The following ANK2 variants were observed in gnomAD, a reference collection of about 807,000 sequenced individuals.
ANK2 encodes ankyrin-2.
Under a neutral mutation model 360.5 loss-of-function variants are expected in ANK2, and 83 were observed. The ratio of observed to expected loss-of-function variants is 0.23; its 90% CI spans 0.19 to 0.28. The LOEUF is 0.28. Among genes scored for constraint, ANK2 ranks in the 10% least tolerant of loss-of-function variants. ANK2 has a pLI of 1.00. For synonymous variants in ANK2, 1,740 were observed against 1,759.5 expected, an observed-to-expected ratio of 0.99 and a Z score of 0.28; for missense variants, 4,201 against 4,795.7, an observed-to-expected ratio of 0.88 and a Z score of 3.66.
chr4:113,296,422 C>G (rs2071478567), intron 22 of ANK2, among the ~76,000 whole-genome samples: 1 of 152,150 alleles, frequency 6.6e-6, no homozygotes, highest in South Asian at 2.1e-4. Flanking sequence ...AACTGACATA[C>G]TAATTTAACA....
At chr4:112,992,751 C>T (rs866631698) in intron 2 of ANK2, among the ~76,000 whole-genome samples, 2 of 152,160 alleles carry the variant, frequency 1.3e-5, no homozygotes, top group Admixed American at 6.5e-5. Flanking sequence ...ACTTAATCAC[C>T]TTTCAAGGAT....
intron 2 of ANK2, among the ~76,000 whole-genome samples, chr4:113,018,456 A>T (rs1463174052): frequency 1.3e-5 from 2 of 152,244 alleles, no homozygotes; most frequent in African/African-American, 4.8e-5. Flanking sequence ...GCCTATGTCA[A>T]TGGAAGATAA....
upstream of ANK2, among the ~76,000 whole-genome samples, chr4:112,814,786 A>G (rs72906852): frequency 0.029 from 4,464 of 152,216 alleles, 143 homozygotes; most frequent in African/African-American, 0.073. Flanking sequence ...AGTAGTGACA[A>G]TCTTTTGAAT....
In ANK2 at chr4:113,245,153, G is replaced by A. The variant is rs141808382; in HGVS notation, c.891+2944G>A. 7.0e-3 allele frequency among the ~76,000 whole-genome samples: 1,072 copies of A among 152,160 alleles called. 28 individuals carry two copies. Among genetic ancestry groups the A allele is most frequent in the East Asian group, 0.042 (217 of 5,182 alleles). ...AGAAGGATTTTAAAAGCATTGTTGGGTTCTTTTCATTCTGGCTACAGCTAA... is the reference window on the plus strand; with the variant it reads ...AGAAGGATTTTAAAAGCATTGTTGGATTCTTTTCATTCTGGCTACAGCTAA... On this transcript the variant is annotated intron_variant, in intron 9 of 45. Coordinates refer to ENST00000357077, the MANE Select transcript of ANK2 (RefSeq NM_001148.6).
chr4:112,971,597 A>C (rs1273926010), intron 2 of ANK2, among the ~76,000 whole-genome samples: 2 of 152,252 alleles, frequency 1.3e-5, no homozygotes, highest in African/African-American at 4.8e-5. Flanking sequence ...AAAGGCTAGA[A>C]GTCTTTATGG....
intron 7 of ANK2, among the ~76,000 whole-genome samples, chr4:113,237,956 AG>A (rs2099396522): frequency 6.6e-6 from 1 of 152,132 alleles, no homozygotes; most frequent in South Asian, 2.1e-4. Context: ...GAGAATTCTT[AG>A]GTTAGAGTTT....
chr4:113,251,211 C>T (rs561025565), intron 10 of ANK2, among the ~76,000 whole-genome samples: 2 of 151,980 alleles, frequency 1.3e-5, no homozygotes, highest in Non-Finnish European at 2.9e-5. Context: ...CTTTACAAAC[C>T]GTAAAATAAT....
intron 2 of ANK2, among the ~76,000 whole-genome samples, chr4:112,933,360 A>G (rs2093428166): frequency 6.6e-6 from 1 of 152,220 alleles, no homozygotes; most frequent in Admixed American, 6.5e-5. Flanking sequence ...AACAAAAACA[A>G]AACCAGAGGT....
At chr4:113,161,576 G>A (rs1229204158) in intron 1 of ANK2, among the ~76,000 whole-genome samples, 3 of 152,104 alleles carry the variant, frequency 2.0e-5, no homozygotes, top group Non-Finnish European at 4.4e-5. Context: ...ATCCAATGAG[G>A]ATAAAGTGGC....
rs1244646473 is a variant in ANK2 at position 113,264,990 on chromosome 4, G to C, written c.1480G>C (p.Ala494Pro). 5.1e-6 allele frequency: 8 copies of C among 1,559,840 alleles called. No individual in the cohort carries two copies. The highest frequency in any genetic ancestry group is 7.0e-6 in the Non-Finnish European group (8 of 1,150,832). The change falls in exon 14 of 46, where the codon GCC becomes CCC. Residue 494 changes from alanine to proline, a missense_variant. Ala to Pro is a conservative substitution (Grantham distance 27). Around this residue, in one of 4 missense-constraint regions of ANK2, gnomAD observed 1,268 missense variants for 1,650.8 expected, o/e 0.77. Coordinates refer to ENST00000357077, the MANE Select transcript of ANK2 (RefSeq NM_001148.6). Reference sequence around the variant, plus strand: ...AAATGGTGCCCTTGTTGATGCCAGAGCCAGGGTAGGTACTGGTGCCCTGAG... The same window carrying C: ...AAATGGTGCCCTTGTTGATGCCAGACCCAGGGTAGGTACTGGTGCCCTGAG... ...LRNGALVDAR[A>P]REEQTPLHIA...
chr4:113,196,744 T>C lies in ANK2; in HGVS notation c.285+278T>C, dbSNP rs551257862. On this transcript the variant is annotated intron_variant, in intron 3 of 45. Transcript: ENST00000357077. ...ATGAGGTCTTGCTATGTTGCCTTCC[T>C]GGGCTCTAGCGATCCTCCTGCCTCA... Among the ~76,000 whole-genome samples the C allele has an allele frequency of 3.3e-5, 5 of 152,284 alleles. No homozygotes were observed. The South Asian group carries it at 1.0e-3, about 32-fold the overall frequency.
chr4:113,254,400 A>G (rs1264000893), intron 10 of ANK2, among the ~76,000 whole-genome samples: 1 of 152,196 alleles, frequency 6.6e-6, no homozygotes. Context: ...TTAGATGATG[A>G]ATATTTTATT....
intron 28 of ANK2, 80 bp downstream of exon 28, chr4:113,332,150 G>A: frequency 7.8e-7 from 1 of 1,282,806 alleles, no homozygotes. Flanking sequence ...TCTCTTTTTT[G>A]TCATTGTGCC....
intron 1 of ANK2, among the ~76,000 whole-genome samples, chr4:113,142,873 A>G (rs1379494138): frequency 6.6e-6 from 1 of 152,142 alleles, no homozygotes; most frequent in Admixed American, 6.5e-5. Flanking sequence ...CTTTTCTAGG[A>G]AAATTTACCC....
At chr4:112,793,173 T>C in the ANK2 span, among the ~76,000 whole-genome samples, 1 of 152,144 alleles carries the variant, frequency 6.6e-6, no homozygotes, top group Non-Finnish European at 1.5e-5. Flanking sequence ...TGTTAAATCA[T>C]TTTGTCAAAG....
Position 113,357,692 on chromosome 4 carries a change from T to C in ANK2, c.9074T>C (p.Val3025Ala). The C allele has an allele frequency of 6.2e-7, 1 of 1,614,110 alleles. No homozygotes were observed. Among genetic ancestry groups the C allele is most frequent in the Non-Finnish European group, 8.5e-7 (1 of 1,179,982 alleles). ...FEPTMSATTT[V>A]VGEQISKVII... ...CCTACTATGTCCGCTACAACAACAG[T>C]TGTTGGTGAACAAATAAGCAAAGTC... Residue 3025 changes from valine to alanine, a missense_variant, in exon 38 of 46, where the codon GTT becomes GCT. Physicochemically the swap from Val to Ala is moderately conservative, Grantham distance 64. Coordinates refer to ENST00000357077, the MANE Select transcript of ANK2 (RefSeq NM_001148.6).
chr4:113,291,665 T>C (rs2067655935), intron 20 of ANK2, among the ~76,000 whole-genome samples: 1 of 152,154 alleles, frequency 6.6e-6, no homozygotes, highest in Admixed American at 6.5e-5. Flanking sequence ...ACTCAGAACT[T>C]AGAGCCCAGG....
chr4:113,278,135 A>G (rs1196161003), intron 16 of ANK2, among the ~76,000 whole-genome samples, 200 bp downstream of exon 16: 1 of 152,190 alleles, frequency 6.6e-6, no homozygotes, highest in East Asian at 1.9e-4. Flanking sequence ...GCTGTGCCTC[A>G]AAGTCTTGTC....
chr4:113,143,325 A>C (rs1214096817), intron 1 of ANK2, among the ~76,000 whole-genome samples: 1 of 35,106 alleles, frequency 2.8e-5, no homozygotes, highest in African/African-American at 1.3e-4. Context: ...TGTATTAATG[A>C]GACAGAAAGA....
Sources: allele counts gnomAD v4.1 joint callset (sites outside exome capture counted in the v4.1 genomes callset), GRCh38; gene constraint gnomAD v4.1.1; regional missense constraint gnomAD v4.1.1; transcripts MANE v1.5; gene names NCBI Gene and HGNC (gene_info 2026-07-23, HGNC 2026-07-21).